Variants in SGCE observed in about 807,000 individuals in gnomAD.
SGCE encodes epsilon-sarcoglycan.
SGCE carries 26 observed loss-of-function variants against 57.8 expected under a neutral mutation model. The observed-to-expected ratio is 0.45, with a 90% CI of 0.33 to 0.62. The LOEUF (loss-of-function observed/expected upper bound fraction) is 0.62, where lower values mean the gene tolerates loss of function less well. SGCE is among the 20% of genes least tolerant of loss of function. The pLI is 0.02. For synonymous variants in SGCE, 183 were observed against 189.5 expected (o/e 0.97, Z 0.28); for missense variants, 468 against 548.6 (o/e 0.85, Z 1.47).
intron 9 of SGCE, among the ~76,000 whole-genome samples, chr7:94,593,608 C>G (rs1797989257): frequency 6.6e-6 from 1 of 151,944 alleles, no homozygotes; most frequent in Non-Finnish European, 1.5e-5. Context: ...TTTAGCTGTT[C>G]CAGGCACTGT....
At chr7:94,611,993 G>A (rs987112345) in intron 5 of SGCE, among the ~76,000 whole-genome samples, 3 of 152,090 alleles carry the variant, frequency 2.0e-5, no homozygotes, top group African/African-American at 7.2e-5. Context: ...AAACATATTC[G>A]ATTTAAAACA....
chr7:94,595,731 A>G (rs1469759410), intron 9 of SGCE, among the ~76,000 whole-genome samples: 2 of 152,148 alleles, frequency 1.3e-5, no homozygotes, highest in African/African-American at 4.8e-5. Context: ...AATTTGCATA[A>G]AGGACAGCTA....
chr7:94,650,158 T>A (rs2117096472), intron 1 of SGCE, among the ~76,000 whole-genome samples: 1 of 152,336 alleles, frequency 6.6e-6, no homozygotes, highest in Admixed American at 6.5e-5. Flanking sequence ...AGACAGAAGT[T>A]AAAAACATTT....
chr7:94,596,435 C>T (rs924500923), intron 9 of SGCE, among the ~76,000 whole-genome samples: 10 of 152,076 alleles, frequency 6.6e-5, no homozygotes, highest in Non-Finnish European at 1.2e-4. Context: ...CTCATTATAA[C>T]TAGTTTTCTA....
intron 2 of SGCE, chr7:94,628,578 A>G (rs1804141775): frequency 1.9e-6 from 1 of 529,844 alleles, no homozygotes; most frequent in Non-Finnish European, 3.4e-6. Flanking sequence ...GCAACAAAGA[A>G]AGCAGATTCA....
intron 2 of SGCE, 86 bp downstream of exon 2, chr7:94,629,633 A>C: frequency 1.7e-6 from 2 of 1,171,412 alleles, no homozygotes; most frequent in East Asian, 4.7e-5. Context: ...AATGTTAATG[A>C]TATTTTATCA....
intron 8 of SGCE, 130 bp from the exon 9 acceptor site, chr7:94,599,093 C>G: frequency 1.5e-6 from 1 of 647,950 alleles, no homozygotes; most frequent in Non-Finnish European, 2.6e-6. Context: ...TTTGGGCATT[C>G]AATAAACTAT....
intron 8 of SGCE, chr7:94,599,432 A>G (rs1798881171): frequency 8.8e-6 from 4 of 454,714 alleles, no homozygotes; most frequent in African/African-American, 2.0e-5. Flanking sequence ...TGGAAATCAC[A>G]TAATATAAAT....
intron 1 of SGCE, among the ~76,000 whole-genome samples, chr7:94,634,842 C>T (rs567762672): frequency 2.0e-5 from 3 of 152,260 alleles, no homozygotes; most frequent in East Asian, 3.9e-4. Context: ...AAAATACATT[C>T]ACAAATAAAT....
intron 5 of SGCE, among the ~76,000 whole-genome samples, chr7:94,605,487 A>G (rs1410205154): frequency 1.3e-5 from 2 of 152,326 alleles, no homozygotes; most frequent in East Asian, 3.9e-4. Context: ...GTTTATATAC[A>G]CTTATAGATA....
intron 4 of SGCE, 41 bp downstream of exon 4, chr7:94,623,284 T>C: frequency 1.6e-6 from 2 of 1,252,174 alleles, no homozygotes; most frequent in Non-Finnish European, 2.3e-6. Context: ...AATGAAATAC[T>C]TCTTATAAAT....
intron 9 of SGCE, among the ~76,000 whole-genome samples, chr7:94,596,825 T>A (rs1798468173): frequency 6.6e-6 from 1 of 152,198 alleles, no homozygotes; most frequent in Admixed American, 6.5e-5. Flanking sequence ...GTGTATTTGA[T>A]CATTCCATTT....
chr7:94,639,781 G>A (rs762637292), intron 1 of SGCE, among the ~76,000 whole-genome samples: 3 of 152,212 alleles, frequency 2.0e-5, no homozygotes, highest in Non-Finnish European at 2.9e-5. Flanking sequence ...GAAAGCATAC[G>A]TGCTATAAGA....
intron 3 of SGCE, chr7:94,626,481 T>C (rs1004908485): frequency 2.0e-5 from 3 of 151,992 alleles, no homozygotes; most frequent in African/African-American, 7.2e-5. Context: ...TACCTCAACA[T>C]TTTTGTTGCT....
Position 94,598,926 on chromosome 7 carries a change from T to G in SGCE, c.1102A>C (p.Thr368Pro), listed in dbSNP as rs1034571351. 1.2e-6 allele frequency: 2 copies of G among 1,613,948 alleles called. No individual in the cohort carries two copies. Among genetic ancestry groups the G allele is most frequent in the Non-Finnish European group, 1.7e-6 (2 of 1,179,888 alleles). ...TTGGACATGTCTCGAAGCTCCTTGG[T>G]AGATTTCTGAATAGCACTGTGATGG... ...LVHHSAIQKS[T>P]KELRDMSKNR... The change falls in exon 9 of 11, where the codon ACC becomes CCC. Residue 368 changes from threonine to proline, a missense_variant. By Grantham distance (38) the Thr-to-Pro change is conservative (BLOSUM62 -1). Coordinates refer to ENST00000648936, the MANE Select transcript of SGCE (RefSeq NM_003919.3).
intron 9 of SGCE, among the ~76,000 whole-genome samples, chr7:94,592,140 G>A (rs1328013470): frequency 1.3e-5 from 2 of 152,164 alleles, no homozygotes; most frequent in African/African-American, 2.4e-5. Flanking sequence ...TCCCAAACTT[G>A]TAACTAAATG....
chr7:94,621,469 T>C (rs1358066780), intron 4 of SGCE: 3 of 152,224 alleles, frequency 2.0e-5, no homozygotes, highest in Non-Finnish European at 4.4e-5. Context: ...CATTAGTATC[T>C]ACTTGACCAC....
chr7:94,642,928 G>T (rs1349552152), intron 1 of SGCE, among the ~76,000 whole-genome samples: 39 of 152,168 alleles, frequency 2.6e-4, no homozygotes, highest in Admixed American at 2.6e-3. Flanking sequence ...TGTGTCTGAA[G>T]ATTATAGGGG....
intron 1 of SGCE, among the ~76,000 whole-genome samples, chr7:94,646,153 T>C (rs1807039942): frequency 6.6e-6 from 1 of 152,200 alleles, no homozygotes; most frequent in South Asian, 2.1e-4. Context: ...TTAACCCTTT[T>C]GAGGGAAGCC....
Sources: gnomAD v4.1 joint callset for allele counts (sites outside exome capture counted in the v4.1 genomes callset) on GRCh38, gnomAD v4.1.1 for gene constraint, MANE v1.5 for transcripts, NCBI Gene and HGNC (gene_info 2026-07-23, HGNC 2026-07-21) for gene names.